RBFOX1: variants seen among roughly 807,000 people sequenced by gnomAD.
RBFOX1 encodes the protein RNA binding fox-1 homolog 1, also known as RNA binding protein fox-1 homolog 1.
Under a neutral mutation model 57.7 loss-of-function variants are expected in RBFOX1, and 8 were observed. The ratio of observed to expected loss-of-function variants is 0.14; its 90% CI spans 0.08 to 0.25. RBFOX1 has a LOEUF of 0.25. Among genes scored for constraint, RBFOX1 ranks in the 10% least tolerant of loss-of-function variants. The pLI is 1.00. For synonymous variants in RBFOX1, 326 were observed against 222.4 expected, an observed-to-expected ratio of 1.47 and a Z score of -4.15; for missense variants, 611 against 548.5, an observed-to-expected ratio of 1.11 and a Z score of -1.14.
At chr16:6,584,284 T>C (rs2097575593) in intron 2 of RBFOX1, among the ~76,000 whole-genome samples, 2 of 151,132 alleles carry the variant, frequency 1.3e-5, no homozygotes, top group South Asian at 4.2e-4. Flanking sequence ...TATTTGGAGC[T>C]CAGTGAGTTA....
intron 4 of RBFOX1, among the ~76,000 whole-genome samples, chr16:7,486,485 T>G (rs2065430902): frequency 6.6e-6 from 1 of 152,034 alleles, no homozygotes; most frequent in Non-Finnish European, 1.5e-5. Flanking sequence ...TAATCTTACC[T>G]TGGGCCAGTC....
chr16:7,193,978 A>G (rs569396359), intron 4 of RBFOX1, among the ~76,000 whole-genome samples: 1 of 152,226 alleles, frequency 6.6e-6, no homozygotes, highest in Admixed American at 6.5e-5. Flanking sequence ...AGGATTGGCT[A>G]AAAATAGTCT....
intron 3 of RBFOX1, among the ~76,000 whole-genome samples, chr16:6,779,980 T>TA (rs2080308153): frequency 3.1e-5 from 2 of 64,644 alleles, no homozygotes; most frequent in Non-Finnish European, 4.9e-5. Flanking sequence ...TATTTATATA[T>TA]TTATATATTT....
chr16:7,052,227 T>C, intron 4 of RBFOX1, 129 bp downstream of exon 4: 1 of 1,371,848 alleles, frequency 7.3e-7, no homozygotes, highest in Non-Finnish European at 9.7e-7. Flanking sequence ...GAGTTGAAAA[T>C]ATTTATCCCA....
chr16:7,154,122 G>C (rs1466173157), intron 4 of RBFOX1, among the ~76,000 whole-genome samples: 2 of 152,180 alleles, frequency 1.3e-5, no homozygotes, highest in African/African-American at 2.4e-5. Context: ...ACTCAAGATT[G>C]TTTTTGCACA....
At chr16:6,761,423 C>T (rs2076577850) in intron 3 of RBFOX1, among the ~76,000 whole-genome samples, 1 of 149,208 alleles carries the variant, frequency 6.7e-6, no homozygotes, top group Admixed American at 6.7e-5. Flanking sequence ...AGCATAAACT[C>T]AAGGTAACAG....
chr16:5,900,953 C>T (rs1000581739), intron 4 of RBFOX1, among the ~76,000 whole-genome samples: 2 of 152,216 alleles, frequency 1.3e-5, no homozygotes, highest in Non-Finnish European at 2.9e-5. Context: ...AGTGCAGTGG[C>T]TCTATCTCAG....
At chr16:5,818,061 C>A (rs776187614) in intron 3 of RBFOX1, among the ~76,000 whole-genome samples, 2 of 152,104 alleles carry the variant, frequency 1.3e-5, no homozygotes, top group Non-Finnish European at 2.9e-5. Flanking sequence ...CAGTTTTAAG[C>A]AGGAGACAGG....
At chr16:6,495,423 G>A (rs1167798452) in intron 2 of RBFOX1, among the ~76,000 whole-genome samples, 2 of 146,660 alleles carry the variant, frequency 1.4e-5, no homozygotes, top group South Asian at 4.3e-4. Context: ...GAGCTTCCGC[G>A]CCTGGCAGAC....
intron 3 of RBFOX1, among the ~76,000 whole-genome samples, chr16:6,883,035 T>C (rs2063280926): frequency 6.6e-6 from 1 of 152,200 alleles, no homozygotes; most frequent in South Asian, 2.1e-4. Context: ...AGATAACCCA[T>C]ATGTCTCCTG....
rs375352187 is a variant in RBFOX1, at chr16:7,457,786, T to A, written c.28-60361T>A. On this transcript the variant is annotated intron_variant, in intron 4 of 15. Coordinates refer to ENST00000550418, the MANE Select transcript of RBFOX1 (RefSeq NM_018723.4). ...GTCTGGAAGGTTCTTCTTACGAGCA[T>A]CTAGCCTCACACCAAGCAGCCAAAG... Among the ~76,000 whole-genome samples the A allele has an allele frequency of 7.2e-5, 11 of 152,028 alleles. No individual in the cohort carries two copies. The East Asian group carries it at 1.4e-3, about 19-fold the overall frequency.
chr16:7,350,908 A>G (rs2097117857), intron 4 of RBFOX1, among the ~76,000 whole-genome samples: 2 of 152,182 alleles, frequency 1.3e-5, no homozygotes, highest in Admixed American at 1.3e-4. Flanking sequence ...TAATGACCCA[A>G]GAATGCATCC....
chr16:5,897,184 C>T (rs1296804017), intron 4 of RBFOX1, among the ~76,000 whole-genome samples: 2 of 151,654 alleles, frequency 1.3e-5, no homozygotes, highest in Non-Finnish European at 2.9e-5. Context: ...TACAGGCGCC[C>T]GCCACCGCGC....
chr16:5,691,034 A>G (rs1368181152), intron 3 of RBFOX1, among the ~76,000 whole-genome samples: 1 of 152,178 alleles, frequency 6.6e-6, no homozygotes, highest in African/African-American at 2.4e-5. Flanking sequence ...TTTTGAGTAC[A>G]GTGACACAGA....
intron 3 of RBFOX1, among the ~76,000 whole-genome samples, chr16:5,685,822 C>T (rs1306335605): frequency 6.6e-6 from 1 of 152,122 alleles, no homozygotes; most frequent in Non-Finnish European, 1.5e-5. Flanking sequence ...ATGTATGCTC[C>T]TAGTACATAG....
At chr16:6,428,101 A>G (rs2093980431) in intron 2 of RBFOX1, among the ~76,000 whole-genome samples, 1 of 151,936 alleles carries the variant, frequency 6.6e-6, no homozygotes, top group South Asian at 2.1e-4. Flanking sequence ...TGGGCAACAT[A>G]GTGAGACCCC....
At chr16:6,016,971 T>A (rs992342719), upstream of RBFOX1, among the ~76,000 whole-genome samples, 1 of 152,226 alleles carries the variant, frequency 6.6e-6, no homozygotes, top group African/African-American at 2.4e-5. Flanking sequence ...CATGTAGCAA[T>A]ACAGGTACCA....
At chr16:6,077,554 T>G (rs2095923585) in intron 1 of RBFOX1, among the ~76,000 whole-genome samples, 1 of 152,166 alleles carries the variant, frequency 6.6e-6, no homozygotes, top group African/African-American at 2.4e-5. Context: ...TGATGGTTTC[T>G]ATGGAAAATT....
intron 5 of RBFOX1, among the ~76,000 whole-genome samples, chr16:7,525,548 A>T (rs572519944): frequency 5.1e-4 from 77 of 152,258 alleles, no homozygotes; most frequent in African/African-American, 1.8e-3. Flanking sequence ...AGAACCTAAG[A>T]AGGCCTGACA....
Sources: allele counts gnomAD v4.1 joint callset (sites outside exome capture counted in the v4.1 genomes callset), GRCh38; gene constraint gnomAD v4.1.1; transcripts MANE v1.5; gene names NCBI Gene and HGNC (gene_info 2026-07-23, HGNC 2026-07-21).